The following WNT7A variants were observed in gnomAD, a reference collection of about 807,000 sequenced individuals.
WNT7A encodes protein Wnt-7a.
Under a neutral mutation model 28.2 loss-of-function variants are expected in WNT7A, and 16 were observed. That is an observed-to-expected ratio of 0.57 (90% CI 0.38 to 0.86). The LOEUF (loss-of-function observed/expected upper bound fraction) is 0.86. Ranked by LOEUF, WNT7A falls within the 40% of genes least tolerant of loss-of-function variation. The pLI is 0.00. For synonymous variants in WNT7A, 190 were observed against 195.9 expected (o/e 0.97, Z 0.25); for missense variants, 411 against 489.7 (o/e 0.84, Z 1.52).
In WNT7A at chr3:13,875,044, T is replaced by G. The variant is rs1251423521; in HGVS notation, c.201A>C (p.Gln67His). Residue 67 changes from glutamine (Q) to histidine (H), a missense_variant, in exon 2 of 4, where the codon CAA becomes CAC. Physicochemically the swap from Gln to His is conservative, Grantham distance 24 (BLOSUM62 0). Transcript: ENST00000285018. Reference protein sequence around the residue: ...DAIIVIGEGSQMGLDECQFQF... With the variant: ...DAIIVIGEGSHMGLDECQFQF... Reference sequence around the variant, plus strand: ...GAAACTGACACTCGTCCAGGCCCATTTGTGAGCCTTCTCCTATGACGATGA... The same window carrying G: ...GAAACTGACACTCGTCCAGGCCCATGTGTGAGCCTTCTCCTATGACGATGA... The G allele has an allele frequency of 2.5e-6, 4 of 1,614,082 alleles. No homozygotes were observed. Among genetic ancestry groups the G allele is most frequent in the Non-Finnish European group, 3.4e-6 (4 of 1,180,038 alleles).
Position 13,825,954 on chromosome 3 carries a change from G to A in WNT7A, c.571-6531C>T, listed in dbSNP as rs144040447. The stretch of plus-strand genomic sequence containing the variant: ...AGAACCCCACCGGCCACACTCCTCG[G>A]GCCAGGTCATTCACCTTGAAATCCC... On this transcript the variant is annotated intron_variant, in intron 3 of 3. Coordinates refer to ENST00000285018, the MANE Select transcript of WNT7A (RefSeq NM_004625.4). Among the ~76,000 whole-genome samples the A allele has an allele frequency of 2.8e-3, 432 of 152,274 alleles. 2 individuals carry two copies. Among genetic ancestry groups the A allele is most frequent in the African/African-American group, 1.0e-2 (414 of 41,554 alleles).
At chr3:13,848,698 G>T (rs545351873) in intron 3 of WNT7A, among the ~76,000 whole-genome samples, 1 of 152,264 alleles carries the variant, frequency 6.6e-6, no homozygotes, top group South Asian at 2.1e-4. Context: ...TTCTTATAAA[G>T]CTAAACATAC....
intron 3 of WNT7A, among the ~76,000 whole-genome samples, chr3:13,824,992 T>C (rs1173945711): frequency 6.6e-6 from 1 of 152,180 alleles, no homozygotes; most frequent in African/African-American, 2.4e-5. Flanking sequence ...AAGGACACTG[T>C]GCAAGGTCCG....
intron 3 of WNT7A, among the ~76,000 whole-genome samples, chr3:13,844,100 T>TACAC (rs1285214349): frequency 1.3e-5 from 2 of 151,892 alleles, no homozygotes; most frequent in African/African-American, 4.8e-5. Context: ...GGTCCAAAAA[T>TACAC]ACACACACAC....
rs79034402 is a variant in WNT7A at position 13,832,665 on chromosome 3, T to C, written c.571-13242A>G. ...GCAGAAAAAATGGCTTTTTTTTTTT[T>C]CTGTAAACATTTGAGGTATTTTCTT... is the stretch of plus-strand genomic sequence containing the variant. On this transcript the variant is annotated intron_variant, in intron 3 of 3. Coordinates refer to ENST00000285018, the MANE Select transcript of WNT7A (RefSeq NM_004625.4). Among the ~76,000 whole-genome samples the C allele has an allele frequency of 2.7e-5, 4 of 149,476 alleles. No homozygotes were observed. The South Asian group carries it at 6.4e-4, about 24-fold the overall frequency.
rs111688978 is a variant in WNT7A at position 13,844,174 on chromosome 3, T to C, written c.570+10358A>G. Among the ~76,000 whole-genome samples, 147 of 152,310 alleles carry C rather than the reference T, an allele frequency of 9.7e-4. 1 individual carries two copies. The highest frequency in any genetic ancestry group is 3.4e-3 in the African/African-American group (142 of 41,564). ...CAGAGCTTGGGTTGCAGAGTTGGGA[T>C]GGCTGGAGGGAACCCTGGCTCAGAT... is the stretch of plus-strand genomic sequence containing the variant. On this transcript the variant is annotated intron_variant, in intron 3 of 3. Coordinates refer to ENST00000285018, the MANE Select transcript of WNT7A (RefSeq NM_004625.4).
At chr3:13,857,829 G>A (rs999345717) in intron 2 of WNT7A, among the ~76,000 whole-genome samples, 3 of 152,306 alleles carry the variant, frequency 2.0e-5, no homozygotes, top group African/African-American at 7.2e-5. Flanking sequence ...CTTTCCAGCT[G>A]TGTGACCTTG....
rs568491270 is a variant in WNT7A at position 13,879,818 on chromosome 3, G to A, written c.-2C>T. 2.9e-5 allele frequency: 46 copies of A among 1,610,534 alleles called. No individual in the cohort carries two copies. In the South Asian group the frequency reaches 4.9e-4, roughly 17 times the overall value. On this transcript the variant is annotated 5_prime_UTR_variant, in exon 1 of 4. Coordinates refer to ENST00000285018, the MANE Select transcript of WNT7A (RefSeq NM_004625.4). ...GCAGCGCCGCGCTTTCCGGTTCATA[G>A]TCCCGATTGGCCGCCGGGGCCGCGG...
intron 2 of WNT7A, among the ~76,000 whole-genome samples, chr3:13,863,232 C>T (rs866953616): frequency 1.9e-4 from 29 of 152,266 alleles, no homozygotes; most frequent in African/African-American, 7.0e-4. Context: ...CTCTGAGGGG[C>T]CTCCCAGATG....
chr3:13,865,066 C>A (rs961384336), intron 2 of WNT7A, among the ~76,000 whole-genome samples: 2 of 152,160 alleles, frequency 1.3e-5, no homozygotes, highest in Non-Finnish European at 2.9e-5. Context: ...TGAGTATGGT[C>A]AAGCTGTGAG....
chr3:13,823,570 G>C (rs1694145372), intron 3 of WNT7A, among the ~76,000 whole-genome samples: 2 of 152,156 alleles, frequency 1.3e-5, no homozygotes, highest in African/African-American at 4.8e-5. Flanking sequence ...CAAAGGTGGG[G>C]GACAATCAAG....
chr3:13,840,116 C>A (rs975728192), intron 3 of WNT7A, among the ~76,000 whole-genome samples: 3 of 152,240 alleles, frequency 2.0e-5, no homozygotes, highest in Non-Finnish European at 4.4e-5. Context: ...TGCCTCTGGG[C>A]TCTGACCTTG....
At position 13,817,173 on chromosome 3, in the gene WNT7A, C is replaced by T. The variant is rs1694016934; in HGVS notation, c.*1771G>A. On this transcript the variant is annotated 3_prime_UTR_variant, in exon 4 of 4. Coordinates refer to ENST00000285018, the MANE Select transcript of WNT7A (RefSeq NM_004625.4). The stretch of plus-strand genomic sequence containing the variant: ...TCAGAGGTGCCTTCTCTTGGCGGTT[C>T]AACACAATCACACACAATCTCTGCT... The T allele has an allele frequency of 6.6e-6, 1 of 152,256 alleles. No homozygotes were observed. Among genetic ancestry groups the T allele is most frequent in the Non-Finnish European group, 1.5e-5 (1 of 68,084 alleles). The allele number at this position is 152,256 out of a possible 1,614,324, so 9.4% of individuals were successfully genotyped here.
At chr3:13,874,346 T>G (rs975472641) in intron 2 of WNT7A, among the ~76,000 whole-genome samples, 2 of 152,196 alleles carry the variant, frequency 1.3e-5, no homozygotes, top group Non-Finnish European at 1.5e-5. Context: ...AGAAGTCAAA[T>G]GTGTGGCTCA....
intron 3 of WNT7A, among the ~76,000 whole-genome samples, chr3:13,835,294 G>A (rs1412274678): frequency 6.6e-6 from 1 of 152,238 alleles, no homozygotes; most frequent in Non-Finnish European, 1.5e-5. Flanking sequence ...TGAGCAGAAA[G>A]GTCCTGCGAT....
chr3:13,856,969 GAGAAGA>G (rs1264018617), intron 2 of WNT7A, among the ~76,000 whole-genome samples: 1 of 60,250 alleles, frequency 1.7e-5, no homozygotes, highest in Non-Finnish European at 3.2e-5. Context: ...GAAGAAGAAG[GAGAAGA>G]AGAAGAAGAA....
chr3:13,878,813 A>AT (rs1364864835), intron 1 of WNT7A, among the ~76,000 whole-genome samples: 2 of 151,778 alleles, frequency 1.3e-5, no homozygotes, highest in Non-Finnish European at 2.9e-5. Flanking sequence ...CCATGCCCAG[A>AT]TCCCCCCGCC....
chr3:13,875,203 A>T, intron 1 of WNT7A, 30 bp from the exon 2 acceptor site: 2 of 1,612,050 alleles, frequency 1.2e-6, no homozygotes, highest in Non-Finnish European at 1.7e-6. Context: ...GAGATGGAGC[A>T]TTAGGCCAGC....
Position 13,879,811 on chromosome 3 carries a change from G to A in WNT7A, c.6C>T (p.Asn2=). Residue 2 remains asparagine (N), a synonymous_variant, in exon 1 of 4, where the codon AAC becomes AAT. Coordinates refer to ENST00000285018, the MANE Select transcript of WNT7A (RefSeq NM_004625.4). The part of the protein sequence containing the change: M[N]RKARRCLGHL... ...GGCCCAGGCAGCGCCGCGCTTTCCGGTTCATAGTCCCGATTGGCCGCCGGG... is the reference window on the plus strand; with the variant it reads ...GGCCCAGGCAGCGCCGCGCTTTCCGATTCATAGTCCCGATTGGCCGCCGGG... 6.2e-7 allele frequency: 1 copy of A among 1,611,668 alleles called. No homozygotes were observed.
Sources: allele counts gnomAD v4.1 joint callset (sites outside exome capture counted in the v4.1 genomes callset), GRCh38; gene constraint gnomAD v4.1.1; transcripts MANE v1.5; gene names NCBI Gene and HGNC (gene_info 2026-07-23, HGNC 2026-07-21).